IL7: variants seen among roughly 807,000 people sequenced by gnomAD.
The protein encoded by IL7 is interleukin 7.
In IL7, 3 loss-of-function variants were observed where a neutral mutation model predicts 21.6. The observed-to-expected ratio is 0.14, with a 90% CI of 0.06 to 0.36. IL7 has a LOEUF of 0.36. Ranked by LOEUF, IL7 falls within the 10% of genes least tolerant of loss-of-function variation. The pLI, the probability that IL7 is intolerant of heterozygous loss-of-function variation, is 1.00. For synonymous variants in IL7, 62 were observed against 68.1 expected (o/e 0.91, Z 0.44); for missense variants, 175 against 200.2 (o/e 0.87, Z 0.76).
At chr8:78,731,660 G>T (rs1025444335), downstream of IL7, among the ~76,000 whole-genome samples, 14 of 151,796 alleles carry the variant, frequency 9.2e-5, no homozygotes, top group African/African-American at 3.4e-4. Flanking sequence ...ATCTCTAATT[G>T]TGGAGTAGAT....
intron 4 of IL7, among the ~76,000 whole-genome samples, chr8:78,737,108 A>G (rs918264016): frequency 6.6e-6 from 1 of 152,150 alleles, no homozygotes; most frequent in Non-Finnish European, 1.5e-5. Flanking sequence ...TTCTTTCTCT[A>G]CAGTTAATTT....
chr8:78,756,567 T>G (rs1812355416), intron 2 of IL7, among the ~76,000 whole-genome samples: 1 of 151,948 alleles, frequency 6.6e-6, no homozygotes, highest in South Asian at 2.1e-4. Flanking sequence ...ATTTAGGAAT[T>G]GATTCATTTC....
chr8:78,781,407 G>A (rs1813326039), intron 2 of IL7, among the ~76,000 whole-genome samples: 1 of 152,132 alleles, frequency 6.6e-6, no homozygotes, highest in African/African-American at 2.4e-5. Context: ...TGCATGGCAG[G>A]CCTGGTGATG....
chr8:78,716,900 C>T (rs1311584551), downstream of IL7, among the ~76,000 whole-genome samples: 1 of 151,980 alleles, frequency 6.6e-6, no homozygotes, highest in East Asian at 1.9e-4. Context: ...TCTCTTTTTT[C>T]CTCCTGCTCC....
chr8:78,680,200 G>A (rs140275622), intron 4 of IL7, among the ~76,000 whole-genome samples: 1 of 146,258 alleles, frequency 6.8e-6, no homozygotes, highest in Admixed American at 7.2e-5. Context: ...ATAAGGAATT[G>A]GGGTTGTAAA....
intron 3 of IL7, chr8:78,689,495 G>A (rs747785278): frequency 2.4e-6 from 2 of 824,704 alleles, no homozygotes; most frequent in East Asian, 3.2e-5. Context: ...TAGATATATA[G>A]TTTTATATAT....
At chr8:78,724,566 G>A (rs1811308065) in intron 3 of IL7, among the ~76,000 whole-genome samples, 1 of 151,732 alleles carries the variant, frequency 6.6e-6, no homozygotes. Flanking sequence ...GAAACATCAG[G>A]AACTTAAAAT....
intron 2 of IL7, chr8:78,760,538 C>G: frequency 6.5e-7 from 1 of 1,541,572 alleles, no homozygotes; most frequent in Admixed American, 2.0e-5. Context: ...GGGTAAGTCA[C>G]TTCTATACAT....
intron 3 of IL7, among the ~76,000 whole-genome samples, chr8:78,691,803 G>C (rs1244666018): frequency 6.6e-6 from 1 of 151,882 alleles, no homozygotes; most frequent in Admixed American, 6.6e-5. Context: ...TGACAGGTTT[G>C]TGCTATTGTT....
At chr8:78,699,270 A>G (rs1810525169) in intron 3 of IL7, among the ~76,000 whole-genome samples, 2 of 152,138 alleles carry the variant, frequency 1.3e-5, no homozygotes, top group Non-Finnish European at 2.9e-5. Context: ...TAAACTTTCA[A>G]TAGTTATGGG....
chr8:78,776,068 A>T (rs1271432530), intron 2 of IL7, among the ~76,000 whole-genome samples: 1 of 152,062 alleles, frequency 6.6e-6, no homozygotes, highest in Non-Finnish European at 1.5e-5. Flanking sequence ...ATAAAACTTT[A>T]ATTTATAAAT....
intron 3 of IL7, among the ~76,000 whole-genome samples, chr8:78,708,118 C>T (rs1810836310): frequency 6.6e-6 from 1 of 152,064 alleles, no homozygotes; most frequent in Non-Finnish European, 1.5e-5. Context: ...ACTGTTATTT[C>T]GATTTATACA....
intron 2 of IL7, chr8:78,761,262 A>G: frequency 6.2e-7 from 1 of 1,606,426 alleles, no homozygotes; most frequent in African/African-American, 1.3e-5. Context: ...TGGAAAAAAG[A>G]ACAAACTTCC....
Position 78,754,768 on chromosome 8 carries a change from G to A in IL7, c.148-14686C>T, listed in dbSNP as rs562177204. The stretch of plus-strand genomic sequence containing the variant: ...TGGATGAATAATTTGCACATATTTT[G>A]TCTCATTCTATAGGTTGTCTCTCCA... On this transcript the variant is annotated intron_variant, in intron 2 of 5. Transcript: ENST00000263851. Among the ~76,000 whole-genome samples, 3 of 152,116 alleles carry A rather than the reference G, an allele frequency of 2.0e-5. No individual in the cohort carries two copies. In the South Asian group the frequency reaches 6.2e-4, roughly 32 times the overall value.
At chr8:78,677,280 G>A (rs1358551207) in intron 4 of IL7, among the ~76,000 whole-genome samples, 1 of 151,868 alleles carries the variant, frequency 6.6e-6, no homozygotes, top group Non-Finnish European at 1.5e-5. Context: ...GCTTATTGGA[G>A]GTCATTTAAG....
intron 4 of IL7, among the ~76,000 whole-genome samples, chr8:78,680,082 C>T (rs995759278): frequency 2.0e-5 from 3 of 151,982 alleles, no homozygotes; most frequent in African/African-American, 7.3e-5. Flanking sequence ...TGCTTCTGTT[C>T]ACTGTAACAT....
chr8:78,682,527 G>A (rs752292103), intron 4 of IL7, among the ~76,000 whole-genome samples: 3 of 152,024 alleles, frequency 2.0e-5, no homozygotes, highest in African/African-American at 7.3e-5. Flanking sequence ...TCACTATCAC[G>A]AGCACAACAC....
chr8:78,689,583 T>A (rs1810142069), intron 3 of IL7, among the ~76,000 whole-genome samples: 1 of 152,026 alleles, frequency 6.6e-6, no homozygotes, highest in Non-Finnish European at 1.5e-5. Context: ...AAGGGGCAAT[T>A]GTTCCCTTTT....
chr8:78,772,135 A>G (rs916369837), intron 2 of IL7, among the ~76,000 whole-genome samples: 16 of 152,150 alleles, frequency 1.1e-4, no homozygotes, highest in African/African-American at 3.9e-4. Context: ...GGAAAAACTA[A>G]TGATTGGCAG....
Sources: gnomAD v4.1 joint callset for allele counts (sites outside exome capture counted in the v4.1 genomes callset) on GRCh38, gnomAD v4.1.1 for gene constraint, MANE v1.5 for transcripts, NCBI Gene and HGNC (gene_info 2026-07-23, HGNC 2026-07-21) for gene names.